AMBRA1: variants seen among roughly 807,000 people sequenced by gnomAD.
AMBRA1 encodes activating molecule in BECN1-regulated autophagy protein 1.
In AMBRA1, 47 loss-of-function variants were observed where a neutral mutation model predicts 125.4. That is an observed-to-expected ratio of 0.37 (90% CI 0.30 to 0.48). The LOEUF (loss-of-function observed/expected upper bound fraction) is 0.48. Ranked by LOEUF, AMBRA1 falls within the 20% of genes least tolerant of loss-of-function variation. AMBRA1 has a pLI of 0.99. For synonymous variants in AMBRA1, 626 were observed against 655.5 expected, an observed-to-expected ratio of 0.95 and a Z score of 0.69; for missense variants, 1,331 against 1,693.4, an observed-to-expected ratio of 0.79 and a Z score of 3.76.
At chr11:46,490,424 C>A (rs1950419920) in intron 11 of AMBRA1, among the ~76,000 whole-genome samples, 2 of 152,212 alleles carry the variant, frequency 1.3e-5, no homozygotes, top group Admixed American at 6.5e-5. Flanking sequence ...TTTAAAAATT[C>A]TTTTTGCAAT....
At chr11:46,585,679 AAAAAAAAAAAAAAAAAATATAT>A (rs1330887785) in intron 1 of AMBRA1, among the ~76,000 whole-genome samples, 2 of 34,632 alleles carry the variant, frequency 5.8e-5, no homozygotes, top group Non-Finnish European at 1.4e-4. Flanking sequence ...AAAAAAAAAA[AAAAAAAAAAAAAAAAAATATAT>A]ATATATATAT....
Position 46,548,419 on chromosome 11 carries a change from G to T in AMBRA1, c.-39C>A. On this transcript the variant is annotated 5_prime_UTR_variant, in exon 2 of 18. Transcript: ENST00000683756. ...CACTGTCACACCAGGCCCAGGAAAT[G>T]AAGGAGCAAGTAACAGCTCCAACAC... is the stretch of plus-strand genomic sequence containing the variant. 1 of 1,610,694 alleles carries T rather than the reference G, an allele frequency of 6.2e-7. No individual in the cohort carries two copies.
chr11:46,475,965 A>T (rs1468253918), intron 11 of AMBRA1, among the ~76,000 whole-genome samples: 1 of 152,230 alleles, frequency 6.6e-6, no homozygotes, highest in Non-Finnish European at 1.5e-5. Flanking sequence ...GTCGGAAAAG[A>T]ACACTGTTCC....
chr11:46,467,639 C>T (rs1018325789), intron 11 of AMBRA1, among the ~76,000 whole-genome samples: 2 of 151,390 alleles, frequency 1.3e-5, no homozygotes, highest in South Asian at 4.2e-4. Flanking sequence ...ACCTCTGCCT[C>T]CTGGGTTCAA....
At chr11:46,562,039 T>C (rs1448561705) in intron 1 of AMBRA1, among the ~76,000 whole-genome samples, 1 of 152,204 alleles carries the variant, frequency 6.6e-6, no homozygotes, top group Non-Finnish European at 1.5e-5. Flanking sequence ...GCTTATGTGA[T>C]TTTTATATAA....
intron 1 of AMBRA1, among the ~76,000 whole-genome samples, chr11:46,570,598 A>G (rs186761235): frequency 2.2e-4 from 34 of 152,306 alleles, no homozygotes; most frequent in Admixed American, 2.1e-3. Flanking sequence ...TTTACAGACA[A>G]AACCCTAGCT....
intron 11 of AMBRA1, among the ~76,000 whole-genome samples, chr11:46,476,733 C>G (rs1949827857): frequency 6.6e-6 from 1 of 152,200 alleles, no homozygotes; most frequent in African/African-American, 2.4e-5. Context: ...AATATTTAGA[C>G]CAAGAAACAC....
chr11:46,493,753 C>A, intron 10 of AMBRA1, 45 bp from the exon 11 acceptor site: 3 of 1,467,074 alleles, frequency 2.0e-6, no homozygotes, highest in Non-Finnish European at 2.8e-6. Context: ...AAGACTACCA[C>A]GAAACAGATA....
intron 15 of AMBRA1, among the ~76,000 whole-genome samples, chr11:46,417,241 G>A (rs966122829): frequency 1.3e-5 from 2 of 151,920 alleles, no homozygotes; most frequent in Admixed American, 6.6e-5. Context: ...TAGTAGAGAC[G>A]GGGTTTTACC....
At chr11:46,492,865 C>T (rs564391873) in intron 11 of AMBRA1, among the ~76,000 whole-genome samples, 4 of 152,244 alleles carry the variant, frequency 2.6e-5, no homozygotes, top group Non-Finnish European at 4.4e-5. Flanking sequence ...CTGGCTAACA[C>T]GTTGAAACCC....
chr11:46,466,618 A>G (rs1389961078), intron 11 of AMBRA1, among the ~76,000 whole-genome samples: 1 of 152,236 alleles, frequency 6.6e-6, no homozygotes, highest in Non-Finnish European at 1.5e-5. Context: ...CAGGTTGAAA[A>G]AAGATAAGGA....
chr11:46,445,064 AG>A (rs1948211234), intron 11 of AMBRA1, among the ~76,000 whole-genome samples: 3 of 151,234 alleles, frequency 2.0e-5, no homozygotes, highest in Admixed American at 6.6e-5. Context: ...GGCAAAAAAA[AG>A]AAAAACAAAA....
At chr11:46,590,950 T>C (rs965574091) in intron 1 of AMBRA1, among the ~76,000 whole-genome samples, 35 of 150,994 alleles carry the variant, frequency 2.3e-4, no homozygotes, top group African/African-American at 8.0e-4. Context: ...GAAAAAAAGC[T>C]GAATGAACTT....
At chr11:46,548,521 G>T in intron 1 of AMBRA1, 21 bp from the exon 2 acceptor site, 1 of 987,798 alleles carries the variant, frequency 1.0e-6, no homozygotes, top group Non-Finnish European at 1.4e-6. Context: ...AAAGAATAAT[G>T]TCAAAGAACG....
intron 5 of AMBRA1, among the ~76,000 whole-genome samples, chr11:46,545,161 CG>C (rs59510298): frequency 0.094 from 3,150 of 33,518 alleles, 80 homozygotes; most frequent in African/African-American, 0.12. Context: ...AAAAAAAAGC[CG>C]GGGGGGGGGG....
At chr11:46,424,194 A>T (rs1947003579) in intron 14 of AMBRA1, among the ~76,000 whole-genome samples, 1 of 152,162 alleles carries the variant, frequency 6.6e-6, no homozygotes. Flanking sequence ...TAGATTGCAC[A>T]TATCCAAACC....
chr11:46,413,522 T>C (rs1432958897), intron 15 of AMBRA1, among the ~76,000 whole-genome samples: 2 of 152,164 alleles, frequency 1.3e-5, no homozygotes, highest in African/African-American at 4.8e-5. Context: ...TGGAGTTTCA[T>C]TCTTGTTGCC....
At chr11:46,576,139 A>G (rs1055719464) in intron 1 of AMBRA1, among the ~76,000 whole-genome samples, 4 of 152,210 alleles carry the variant, frequency 2.6e-5, no homozygotes, top group Admixed American at 2.0e-4. Flanking sequence ...CATTTAAGAT[A>G]AGGAAGACAT....
At chr11:46,474,866 G>GA (rs961964545) in intron 11 of AMBRA1, among the ~76,000 whole-genome samples, 5 of 151,428 alleles carry the variant, frequency 3.3e-5, no homozygotes, top group Admixed American at 6.6e-5. Flanking sequence ...CCAGAACAGT[G>GA]AAAAAAAACA....
Sources: allele counts gnomAD v4.1 joint callset (sites outside exome capture counted in the v4.1 genomes callset), GRCh38; gene constraint gnomAD v4.1.1; transcripts MANE v1.5; gene names NCBI Gene and HGNC (gene_info 2026-07-23, HGNC 2026-07-21).